The following OLFM4 variants were observed in gnomAD, a reference collection of about 807,000 sequenced individuals.
OLFM4 encodes the protein olfactomedin 4.
Under a neutral mutation model 25.5 loss-of-function variants are expected in OLFM4, and 22 were observed. The observed-to-expected ratio is 0.86, with a 90% CI of 0.62 to 1.23. The LOEUF is 1.23. OLFM4 is among the 50% of genes most tolerant of loss of function. OLFM4 has a pLI of 0.00. For missense variants in OLFM4, 594 were observed against 619.4 expected (o/e 0.96, Z 0.44); for synonymous variants, 255 against 237.7 (o/e 1.07, Z -0.67).
At chr13:53,043,044 G>C (rs1338285252) in intron 3 of OLFM4, 61 bp from the exon 4 acceptor site, 9 of 1,341,124 alleles carry the variant, frequency 6.7e-6, no homozygotes, top group Non-Finnish European at 9.2e-6. Flanking sequence ...TTCAGCCCTG[G>C]AATGTTTATG....
At chr13:53,043,814 C>T (rs1257085317) in intron 4 of OLFM4, among the ~76,000 whole-genome samples, 1 of 152,100 alleles carries the variant, frequency 6.6e-6, no homozygotes, top group Non-Finnish European at 1.5e-5. Context: ...AGGAATGACC[C>T]CACATATCAT....
chr13:53,043,522 C>T (rs780887203), intron 4 of OLFM4, among the ~76,000 whole-genome samples: 6 of 152,062 alleles, frequency 3.9e-5, no homozygotes, highest in South Asian at 2.1e-4. Context: ...ACGAGTTACA[C>T]GTATTCTCTT....
chr13:53,036,922 C>G (rs781003593), intron 2 of OLFM4, among the ~76,000 whole-genome samples: 72 of 152,284 alleles, frequency 4.7e-4, no homozygotes, highest in Non-Finnish European at 8.5e-4. Flanking sequence ...TCAAAATCAT[C>G]TCAACTCTCT....
rs534085178 is a variant in OLFM4, at chr13:53,050,344, A to G, written c.1106A>G (p.Tyr369Cys). ...AVTQTLPNAA[Y>C]NNRFSYANVA... ...ACTCAAACTCTCCCTAATGCTGCCT[A>G]TAATAACCGCTTTTCATATGCTAAT... Residue 369 changes from tyrosine to cysteine, a missense_variant, in exon 5 of 5, where the codon TAT becomes TGT. Physicochemically the swap from Tyr to Cys is radical, Grantham distance 194 (BLOSUM62 -2). Coordinates refer to ENST00000219022, the MANE Select transcript of OLFM4 (RefSeq NM_006418.5). The G allele has an allele frequency of 3.7e-6, 6 of 1,614,096 alleles. No homozygotes were observed. In the Admixed American group the frequency reaches 5.0e-5, roughly 13 times the overall value.
intron 1 of OLFM4, among the ~76,000 whole-genome samples, chr13:53,029,934 A>G (rs1954620328): frequency 6.6e-6 from 1 of 151,930 alleles, no homozygotes. Context: ...TATTCATTTC[A>G]CTCTGGGCCT....
chr13:53,050,365 C>T lies in OLFM4; in HGVS notation c.1127C>T (p.Ala376Val), dbSNP rs1271917585. Residue 376 changes from alanine (A) to valine (V), a missense_variant, in exon 5 of 5, where the codon GCT (alanine) becomes GTT (valine). Transcript: ENST00000219022. ...NAAYNNRFSYANVAWQDIDFA... is the reference protein window; with the variant it reads ...NAAYNNRFSYVNVAWQDIDFA... ...GCCTATAATAACCGCTTTTCATATGCTAATGTTGCTTGGCAAGATATTGAC... is the reference window on the plus strand; with the variant it reads ...GCCTATAATAACCGCTTTTCATATGTTAATGTTGCTTGGCAAGATATTGAC... 1 of 1,614,008 alleles carries T rather than the reference C, an allele frequency of 6.2e-7. No individual in the cohort carries two copies. The highest frequency in any genetic ancestry group is 1.3e-5 in the African/African-American group (1 of 75,016).
intron 4 of OLFM4, among the ~76,000 whole-genome samples, chr13:53,045,231 T>C (rs1310012099): frequency 6.6e-6 from 1 of 152,088 alleles, no homozygotes; most frequent in Non-Finnish European, 1.5e-5. Context: ...TGTTGGATTT[T>C]TTTTTTCCCA....
At chr13:53,042,814 G>T (rs1441603824) in intron 3 of OLFM4, among the ~76,000 whole-genome samples, 1 of 152,196 alleles carries the variant, frequency 6.6e-6, no homozygotes, top group East Asian at 1.9e-4. Context: ...ATAGGGGAAG[G>T]TTATTAGAAA....
chr13:53,048,628 C>T (rs1323202182), intron 4 of OLFM4, among the ~76,000 whole-genome samples: 1 of 152,108 alleles, frequency 6.6e-6, no homozygotes, highest in East Asian at 1.9e-4. Flanking sequence ...GGCTTTGCTC[C>T]CCCTTCCCCG....
At chr13:53,032,246 G>A (rs1414613220) in intron 1 of OLFM4, among the ~76,000 whole-genome samples, 1 of 152,164 alleles carries the variant, frequency 6.6e-6, no homozygotes, top group African/African-American at 2.4e-5. Flanking sequence ...GATATCCACT[G>A]TTTTCTGAGT....
rs1954745876 is a variant in OLFM4 at position 53,051,059 on chromosome 13, C to T, written c.*288C>T. The T allele has an allele frequency of 9.6e-6, 3 of 313,052 alleles. No homozygotes were observed. Among genetic ancestry groups the T allele is most frequent in the African/African-American group, 6.5e-5 (3 of 46,494 alleles). 19.4% of individuals were successfully genotyped at this position (313,052 alleles called of 1,614,324 possible). A position where few individuals can be genotyped will look rare whatever the true frequency, so the allele number is the denominator to read the frequency against. ...TGAAGCCTACTGTGAGGAGGCTTCA[C>T]TAGAAGCCTTAAATTAGGAATTAAG... On this transcript the variant is annotated 3_prime_UTR_variant, in exon 5 of 5. Coordinates refer to ENST00000219022, the MANE Select transcript of OLFM4 (RefSeq NM_006418.5).
intron 2 of OLFM4, among the ~76,000 whole-genome samples, chr13:53,040,814 A>T (rs370661107): frequency 6.6e-6 from 1 of 152,228 alleles, no homozygotes. Flanking sequence ...CTATGATACA[A>T]ACCAGTTTAG....
At chr13:53,044,479 G>T (rs1414540507) in intron 4 of OLFM4, among the ~76,000 whole-genome samples, 1 of 152,142 alleles carries the variant, frequency 6.6e-6, no homozygotes. Context: ...CATTGTAACT[G>T]ATTTTTTAAG....
intron 4 of OLFM4, among the ~76,000 whole-genome samples, chr13:53,044,748 A>G (rs142281808): frequency 2.0e-5 from 3 of 152,280 alleles, no homozygotes; most frequent in African/African-American, 7.2e-5. Context: ...GTAATAAACT[A>G]AGGCTAAATT....
chr13:53,042,311 T>C (rs1020186887), intron 3 of OLFM4, among the ~76,000 whole-genome samples, 189 bp downstream of exon 3: 1 of 152,218 alleles, frequency 6.6e-6, no homozygotes, highest in African/African-American at 2.4e-5. Flanking sequence ...GTTAAGCACA[T>C]TGGGAATGTG....
At chr13:53,044,123 C>A (rs1278760963) in intron 4 of OLFM4, among the ~76,000 whole-genome samples, 1 of 152,158 alleles carries the variant, frequency 6.6e-6, no homozygotes, top group Non-Finnish European at 1.5e-5. Context: ...ATTAATGAGT[C>A]AGTGCTTGGG....
intron 4 of OLFM4, among the ~76,000 whole-genome samples, chr13:53,045,794 G>A (rs964288935): frequency 6.6e-6 from 1 of 152,182 alleles, no homozygotes; most frequent in Non-Finnish European, 1.5e-5. Flanking sequence ...TACAAACAAC[G>A]TCCTTTTTCT....
At chr13:53,047,905 T>C (rs1416274438) in intron 4 of OLFM4, among the ~76,000 whole-genome samples, 4 of 152,176 alleles carry the variant, frequency 2.6e-5, no homozygotes, top group Non-Finnish European at 2.9e-5. Context: ...ATTTTGTTGC[T>C]GTCGGTTTGG....
chr13:53,036,927 C>T (rs1334841158), intron 2 of OLFM4, among the ~76,000 whole-genome samples: 2 of 152,234 alleles, frequency 1.3e-5, no homozygotes, highest in East Asian at 3.9e-4. Flanking sequence ...ATCATCTCAA[C>T]TCTCTTTCCT....
Sources: allele counts gnomAD v4.1 joint callset (sites outside exome capture counted in the v4.1 genomes callset), GRCh38; gene constraint gnomAD v4.1.1; transcripts MANE v1.5; gene names NCBI Gene and HGNC (gene_info 2026-07-23, HGNC 2026-07-21).